The following STIMATE variants were observed in gnomAD, a reference collection of about 807,000 sequenced individuals.
STIMATE encodes store-operated calcium entry regulator STIMATE.
In STIMATE, 15 loss-of-function variants were observed where a neutral mutation model predicts 36.7. The observed-to-expected ratio is 0.41, with a 90% confidence interval of 0.27 to 0.63. The LOEUF (loss-of-function observed/expected upper bound fraction) is 0.63, where lower values mean the gene tolerates loss of function less well. Ranked by LOEUF, STIMATE falls within the 20% of genes least tolerant of loss-of-function variation. The pLI is 0.32. For synonymous variants in STIMATE, 163 were observed against 162.3 expected (o/e 1.00, Z -0.03); for missense variants, 305 against 397.3 (o/e 0.77, Z 1.98).
At chr3:52,893,173 T>C (rs957237602) in intron 1 of STIMATE, among the ~76,000 whole-genome samples, 2 of 152,178 alleles carry the variant, frequency 1.3e-5, no homozygotes, top group African/African-American at 4.8e-5. Flanking sequence ...ACTCCAGCTA[T>C]AAAAGACTTG....
intron 1 of STIMATE, among the ~76,000 whole-genome samples, chr3:52,881,907 A>G (rs1294319907): frequency 6.6e-6 from 1 of 152,258 alleles, no homozygotes; most frequent in Non-Finnish European, 1.5e-5. Flanking sequence ...ATGGACTCTT[A>G]GAGAACAGGA....
intron 1 of STIMATE, among the ~76,000 whole-genome samples, chr3:52,884,250 T>TG (rs1390101094): frequency 4.5e-4 from 68 of 151,038 alleles, no homozygotes; most frequent in African/African-American, 1.6e-3. Flanking sequence ...CAAAAAGTTT[T>TG]TTTTTTTTTT....
chr3:52,878,406 C>G (rs188495405), intron 1 of STIMATE, among the ~76,000 whole-genome samples: 4 of 151,830 alleles, frequency 2.6e-5, no homozygotes, highest in Admixed American at 2.6e-4. Flanking sequence ...ATGGTCCAGG[C>G]TGTATCACCT....
At chr3:52,846,879 G>C (rs1327167480) in intron 4 of STIMATE, among the ~76,000 whole-genome samples, 1 of 152,162 alleles carries the variant, frequency 6.6e-6, no homozygotes, top group Non-Finnish European at 1.5e-5. Context: ...ATGCCAGGCA[G>C]TGTTGCATGT....
intron 7 of STIMATE, among the ~76,000 whole-genome samples, chr3:52,841,971 TC>T (rs1264776270): frequency 6.6e-6 from 1 of 152,166 alleles, no homozygotes; most frequent in African/African-American, 2.4e-5. Flanking sequence ...AGACACGGCT[TC>T]CCCTCTGTCC....
At chr3:52,867,727 C>A (rs535706110) in intron 1 of STIMATE, among the ~76,000 whole-genome samples, 2 of 152,368 alleles carry the variant, frequency 1.3e-5, no homozygotes, top group African/African-American at 4.8e-5. Context: ...AATATCAGCT[C>A]ATAAACTACG....
intron 1 of STIMATE, among the ~76,000 whole-genome samples, chr3:52,878,526 A>G (rs544768845): frequency 6.6e-6 from 1 of 152,242 alleles, no homozygotes; most frequent in African/African-American, 2.4e-5. Flanking sequence ...TAGGAACCCT[A>G]TGGTCCTGGA....
intron 1 of STIMATE, among the ~76,000 whole-genome samples, chr3:52,868,966 C>T (rs977694644): frequency 3.9e-5 from 6 of 152,158 alleles, no homozygotes; most frequent in African/African-American, 9.7e-5. Context: ...TCTGACAACC[C>T]GGCAAAGTAT....
In STIMATE at chr3:52,872,881, C is replaced by T. The variant is rs895605907; in HGVS notation, c.161-17437G>A. Among the ~76,000 whole-genome samples, 4 of 152,236 alleles carry T rather than the reference C, an allele frequency of 2.6e-5. No homozygotes were observed. The South Asian group carries it at 6.2e-4, about 24-fold the overall frequency. ...CCTCCAGTGATCCACCCACCTTGGCCTCCCAAAGTGTTGGGACTACAGGTG... is the reference window on the plus strand; with the variant it reads ...CCTCCAGTGATCCACCCACCTTGGCTTCCCAAAGTGTTGGGACTACAGGTG... On this transcript the variant is annotated intron_variant, in intron 1 of 7. Coordinates refer to ENST00000355083, the MANE Select transcript of STIMATE (RefSeq NM_198563.5).
chr3:52,880,341 A>G (rs1701582156), intron 1 of STIMATE, among the ~76,000 whole-genome samples: 1 of 152,270 alleles, frequency 6.6e-6, no homozygotes, highest in Non-Finnish European at 1.5e-5. Flanking sequence ...GGGCAAGCAC[A>G]GAACCAGAGA....
intron 4 of STIMATE, chr3:52,847,935 C>G (rs1038677456): frequency 5.0e-6 from 1 of 198,250 alleles, no homozygotes. Flanking sequence ...GGAGGGGCCG[C>G]GAGCCAAGGC....
intron 2 of STIMATE, among the ~76,000 whole-genome samples, chr3:52,854,469 C>A (rs9682464): frequency 6.6e-6 from 1 of 152,138 alleles, no homozygotes; most frequent in Non-Finnish European, 1.5e-5. Context: ...ATTTGGAGCG[C>A]TTCCGGGCTG....
At chr3:52,847,566 C>T (rs1376674083) in intron 4 of STIMATE, 2 of 1,289,092 alleles carry the variant, frequency 1.6e-6, no homozygotes, top group Non-Finnish European at 2.0e-6. Flanking sequence ...GAACAAAAGA[C>T]ACATCCTAGA....
intron 1 of STIMATE, among the ~76,000 whole-genome samples, chr3:52,865,024 G>T (rs903211070): frequency 4.6e-5 from 7 of 151,396 alleles, no homozygotes; most frequent in African/African-American, 1.7e-4. Flanking sequence ...TCGGCTCACT[G>T]CAACCTCTGC....
chr3:52,887,679 C>A (rs936868874), intron 1 of STIMATE, among the ~76,000 whole-genome samples: 6 of 152,112 alleles, frequency 3.9e-5, no homozygotes, highest in African/African-American at 1.2e-4. Context: ...CTCATATCAC[C>A]CCACACCAAA....
chr3:52,872,961 C>G (rs1701432737), intron 1 of STIMATE, among the ~76,000 whole-genome samples: 1 of 152,208 alleles, frequency 6.6e-6, no homozygotes, highest in Non-Finnish European at 1.5e-5. Context: ...AGCTGATAAT[C>G]TGGTCTAAGT....
chr3:52,879,426 T>C (rs1701565751), intron 1 of STIMATE, among the ~76,000 whole-genome samples: 1 of 152,210 alleles, frequency 6.6e-6, no homozygotes, highest in Admixed American at 6.5e-5. Flanking sequence ...TGATGGATAC[T>C]TCAGGAGCCT....
chr3:52,842,768 C>G (rs780983829), intron 7 of STIMATE, 43 bp downstream of exon 7: 1 of 1,611,980 alleles, frequency 6.2e-7, no homozygotes, highest in Non-Finnish European at 8.5e-7. Context: ...CTTGGGCCAG[C>G]GATACGACGG....
At chr3:52,855,537 T>C in intron 1 of STIMATE, 93 bp from the exon 2 acceptor site, 3 of 1,563,798 alleles carry the variant, frequency 1.9e-6, no homozygotes, top group Non-Finnish European at 2.6e-6. Context: ...ACTCACTGTG[T>C]GTATAACCAA....
Sources: allele counts gnomAD v4.1 joint callset (sites outside exome capture counted in the v4.1 genomes callset), GRCh38; gene constraint gnomAD v4.1.1; transcripts MANE v1.5; gene names NCBI Gene and HGNC (gene_info 2026-07-23, HGNC 2026-07-21).